The following ZNF678 variants were observed in gnomAD, a reference collection of about 807,000 sequenced individuals.
The protein encoded by ZNF678 is hypothetical protein MGC42493.
ZNF678 carries 5 observed loss-of-function variants against 3.0 expected under a neutral mutation model. That is an observed-to-expected ratio of 1.69 (90% CI 0.88 to 3.56). ZNF678 has a LOEUF of 3.56. Ranked by LOEUF, ZNF678 falls within the 30% of genes most tolerant of loss-of-function variation. The pLI is 0.00. For missense variants in ZNF678, 593 were observed against 605.0 expected (o/e 0.98, Z 0.21); for synonymous variants, 218 against 199.6 (o/e 1.09, Z -0.78).
intron 1 of ZNF678, among the ~76,000 whole-genome samples, chr1:227,574,854 G>T (rs1024622407): frequency 6.6e-6 from 1 of 152,078 alleles, no homozygotes; most frequent in Non-Finnish European, 1.5e-5. Flanking sequence ...TAAGGAAGGG[G>T]TCCAATTTCA....
At chr1:227,581,911 C>T (rs1433596840) in intron 1 of ZNF678, among the ~76,000 whole-genome samples, 2 of 152,194 alleles carry the variant, frequency 1.3e-5, no homozygotes, top group Admixed American at 1.3e-4. Flanking sequence ...TACACCTTGG[C>T]AAACATTTCG....
intron 1 of ZNF678, among the ~76,000 whole-genome samples, chr1:227,603,308 T>A (rs1382802678): frequency 6.6e-6 from 1 of 152,208 alleles, no homozygotes; most frequent in Admixed American, 6.5e-5. Flanking sequence ...TTTTGCTACT[T>A]TCTGTTGCCA....
At chr1:227,612,022 C>T (rs1470890515) in intron 1 of ZNF678, among the ~76,000 whole-genome samples, 2 of 151,956 alleles carry the variant, frequency 1.3e-5, no homozygotes, top group Non-Finnish European at 2.9e-5. Context: ...AGAAGATGAT[C>T]GACAACCAGA....
chr1:227,651,353 A>G (rs1659088813), intron 3 of ZNF678, among the ~76,000 whole-genome samples: 1 of 152,126 alleles, frequency 6.6e-6, no homozygotes, highest in Admixed American at 6.5e-5. Flanking sequence ...TGAGGTTTTT[A>G]CCAAGTCACA....
intron 1 of ZNF678, among the ~76,000 whole-genome samples, chr1:227,589,069 A>T (rs1192549239): frequency 6.8e-6 from 1 of 147,072 alleles, no homozygotes; most frequent in Admixed American, 6.8e-5. Flanking sequence ...GATTTCAAAA[A>T]TTTTCTCCCA....
Position 227,563,562 on chromosome 1 carries a change from C to T in ZNF678, c.-326C>T, listed in dbSNP as rs541923854. On this transcript the variant is annotated 5_prime_UTR_variant, in exon 1 of 4. Coordinates refer to ENST00000343776, the MANE Select transcript of ZNF678 (RefSeq NM_001367909.1). ...TTCCGGGATCTGGCGGGGCCTTTGTCTTGTGCTCCAGCTGGAGCTTTGGTC... is the reference window on the plus strand; with the variant it reads ...TTCCGGGATCTGGCGGGGCCTTTGTTTTGTGCTCCAGCTGGAGCTTTGGTC... 10 of 717,826 alleles carry T rather than the reference C, an allele frequency of 1.4e-5. No homozygotes were observed. In the East Asian group the frequency reaches 3.2e-4, roughly 23 times the overall value. The allele number at this position is 717,826 out of a possible 1,614,324, so 44.5% of individuals were successfully genotyped here.
intron 1 of ZNF678, among the ~76,000 whole-genome samples, chr1:227,620,718 A>G (rs752122890): frequency 2.6e-5 from 4 of 152,236 alleles, no homozygotes; most frequent in Non-Finnish European, 5.9e-5. Flanking sequence ...TTTCAAAAAT[A>G]ATATTTATTA....
chr1:227,617,445 CAG>C (rs1380364173), intron 1 of ZNF678, among the ~76,000 whole-genome samples: 4 of 152,284 alleles, frequency 2.6e-5, no homozygotes, highest in South Asian at 4.1e-4. Context: ...GAACAGTTGA[CAG>C]AGGAAGAGAG....
intron 1 of ZNF678, among the ~76,000 whole-genome samples, chr1:227,583,597 T>A (rs1657188712): frequency 6.6e-6 from 1 of 152,094 alleles, no homozygotes; most frequent in South Asian, 2.1e-4. Flanking sequence ...CTGTTACATT[T>A]ATGGCTACAA....
intron 1 of ZNF678, among the ~76,000 whole-genome samples, chr1:227,632,313 C>T (rs1185516373): frequency 6.6e-6 from 1 of 152,032 alleles, no homozygotes; most frequent in Non-Finnish European, 1.5e-5. Flanking sequence ...CGCATTAGTA[C>T]CTAGGAGGCA....
rs1397970403 is a variant in ZNF678 at position 227,657,360 on chromosome 1, CCT to C, written c.*1535_*1536del. On this transcript the variant is annotated 3_prime_UTR_variant, in exon 4 of 4. Coordinates refer to ENST00000343776, the MANE Select transcript of ZNF678 (RefSeq NM_001367909.1). ...AGCCAACAGAACTGAGGCTAATAAA[CCT>C]CTTTTCTGTATTAATTTGCCAGTGT... is the stretch of plus-strand genomic sequence containing the variant. The C allele has an allele frequency of 6.6e-6, 1 of 151,932 alleles. No individual in the cohort carries two copies. The highest frequency in any genetic ancestry group is 6.6e-5 in the Admixed American group (1 of 15,218). 9.4% of individuals were successfully genotyped at this position (151,932 alleles called of 1,614,324 possible). A position where few individuals can be genotyped will look rare whatever the true frequency, so the allele number is the denominator to read the frequency against.
intron 1 of ZNF678, among the ~76,000 whole-genome samples, chr1:227,574,693 G>T (rs1191540553): frequency 7.9e-5 from 12 of 152,074 alleles, no homozygotes; most frequent in Admixed American, 7.9e-4. Flanking sequence ...TTTTGCTTTT[G>T]TTGAAATTGC....
chr1:227,582,527 CTA>C (rs775225357), intron 1 of ZNF678: 51 of 160,644 alleles, frequency 3.2e-4, no homozygotes, highest in Non-Finnish European at 5.4e-4. Context: ...CGCATTCTCA[CTA>C]TGTTGCCCAG....
At position 227,654,325 on chromosome 1, in the gene ZNF678, A is replaced by G; in HGVS notation, c.86-11A>G. ...GTAAGAAGAATAACTTTTTATTTTT[A>G]TTTCTTTCAGCTATTTTATCTTATT... is the stretch of plus-strand genomic sequence containing the variant. On this transcript the variant is annotated splice_polypyrimidine_tract_variant and intron_variant, in intron 3 of 3. Transcript: ENST00000343776. 6.7e-7 allele frequency: 1 copy of G among 1,493,024 alleles called. No homozygotes were observed. The highest frequency in any genetic ancestry group is 8.9e-7 in the Non-Finnish European group (1 of 1,123,756). 92.5% of individuals were successfully genotyped at this position (1,493,024 alleles called of 1,614,324 possible).
rs975342973 is a variant in ZNF678, at chr1:227,661,632, G to C, written c.*5804G>C. 4 of 152,094 alleles carry C rather than the reference G, an allele frequency of 2.6e-5. No homozygotes were observed. The highest frequency in any genetic ancestry group is 4.4e-5 in the Non-Finnish European group (3 of 68,028). 9.4% of individuals were successfully genotyped at this position (152,094 alleles called of 1,614,324 possible). A position where few individuals can be genotyped will look rare whatever the true frequency, so the allele number is the denominator to read the frequency against. On this transcript the variant is annotated 3_prime_UTR_variant, in exon 4 of 4. Transcript: ENST00000343776. ...GGTTTATCTTCTTTTCACCCATTTT[G>C]AGAGAAGAAAAGTTCAGCTCAGAGA...
chr1:227,565,300 G>A (rs1173126942), intron 1 of ZNF678, among the ~76,000 whole-genome samples: 2 of 151,268 alleles, frequency 1.3e-5, no homozygotes, highest in African/African-American at 4.9e-5. Flanking sequence ...TCTTGACCTC[G>A]TGATCTACCC....
intron 1 of ZNF678, among the ~76,000 whole-genome samples, chr1:227,604,627 G>A (rs1469855470): frequency 3.9e-5 from 6 of 152,122 alleles, no homozygotes; most frequent in Admixed American, 2.0e-4. Flanking sequence ...GGGCTCAAGT[G>A]ATCCACCCAC....
chr1:227,646,953 A>C (rs1046291019), intron 2 of ZNF678, among the ~76,000 whole-genome samples: 2 of 152,266 alleles, frequency 1.3e-5, no homozygotes, highest in African/African-American at 4.8e-5. Flanking sequence ...ATCTAATTAC[A>C]GTACCAAGTT....
chr1:227,650,937 G>C lies in ZNF678; in HGVS notation c.-36-19G>C. On this transcript the variant is annotated intron_variant, in intron 2 of 3. Coordinates refer to ENST00000343776, the MANE Select transcript of ZNF678 (RefSeq NM_001367909.1). ...TTTATGGCTTTTAAAAAATTTTCTTGCCTAATTGTTCTGTCTAGGACTTCC... is the reference window on the plus strand; with the variant it reads ...TTTATGGCTTTTAAAAAATTTTCTTCCCTAATTGTTCTGTCTAGGACTTCC... 1 of 1,511,100 alleles carries C rather than the reference G, an allele frequency of 6.6e-7. No individual in the cohort carries two copies. Among genetic ancestry groups the C allele is most frequent in the East Asian group, 2.3e-5 (1 of 42,706 alleles). The allele number at this position is 1,511,100 out of a possible 1,614,324, so 93.6% of individuals were successfully genotyped here. A position where few individuals can be genotyped will look rare whatever the true frequency, so the allele number is the denominator to read the frequency against.
Sources: gnomAD v4.1 joint callset for allele counts (sites outside exome capture counted in the v4.1 genomes callset) on GRCh38, gnomAD v4.1.1 for gene constraint, MANE v1.5 for transcripts, NCBI Gene and HGNC (gene_info 2026-07-23, HGNC 2026-07-21) for gene names.